Variants in JAM3 observed in about 807,000 individuals in gnomAD.
JAM3 encodes the protein junctional adhesion molecule 3.
Under a neutral mutation model 39.4 loss-of-function variants are expected in JAM3, and 31 were observed. The ratio of observed to expected loss-of-function variants is 0.79; its 90% CI spans 0.59 to 1.06. The LOEUF is 1.06. Among genes scored for constraint, JAM3 ranks in the 50% least tolerant of loss-of-function variants. The probability of loss-of-function intolerance (pLI) is 0.00; values close to 1 mark genes in which losing one functional copy is unlikely to be tolerated. For synonymous variants in JAM3, 182 were observed against 148.7 expected, an observed-to-expected ratio of 1.22 and a Z score of -1.63; for missense variants, 455 against 391.4, an observed-to-expected ratio of 1.16 and a Z score of -1.37.
At position 134,105,621 on chromosome 11, in the gene JAM3, ATCTCCT is replaced by A. The variant is rs558760467; in HGVS notation, c.77-34228_77-34223del. Among the ~76,000 whole-genome samples, 277 of 152,336 alleles carry A rather than the reference ATCTCCT, an allele frequency of 1.8e-3. 1 individual carries two copies. The highest frequency in any genetic ancestry group is 0.01 in the Middle Eastern group (3 of 294). ...GAAAACCCCATCATCTCAGCCCAAA[ATCTCCT>A]TAAGCTAATAAGCAACTTCAGCAAA... On this transcript the variant is annotated intron_variant, in intron 1 of 8. Transcript: ENST00000299106.
chr11:134,128,570 G>A (rs1241049509), intron 1 of JAM3, among the ~76,000 whole-genome samples: 1 of 152,142 alleles, frequency 6.6e-6, no homozygotes, highest in East Asian at 1.9e-4. Flanking sequence ...ATGATTGTGA[G>A]TTCTCATGAG....
intron 1 of JAM3, among the ~76,000 whole-genome samples, chr11:134,132,149 T>A (rs984997759): frequency 1.3e-5 from 2 of 152,080 alleles, no homozygotes; most frequent in Non-Finnish European, 2.9e-5. Flanking sequence ...TGATCAAACT[T>A]GACAAAGAGA....
chr11:134,130,738 A>ACCTC (rs1449037138), intron 1 of JAM3, among the ~76,000 whole-genome samples: 4 of 152,218 alleles, frequency 2.6e-5, no homozygotes, highest in Non-Finnish European at 5.9e-5. Flanking sequence ...GGCAACAGCT[A>ACCTC]TTCCGCAGCT....
chr11:134,148,759 CAT>C lies in JAM3; in HGVS notation c.843-3_843-2del, dbSNP rs1318762065. 1.1e-5 allele frequency: 17 copies of C among 1,614,018 alleles called. No homozygotes were observed. The Admixed American group carries it at 1.5e-4, about 14-fold the overall frequency. On this transcript the variant is annotated splice_polypyrimidine_tract_variant and splice_region_variant and intron_variant, in intron 7 of 8. Coordinates refer to ENST00000299106, the MANE Select transcript of JAM3 (RefSeq NM_032801.5). ...TGTTGCTAAACTGCTCTCTTCTCCT[CAT>C]AGTTACAAGAACCCAGGGAAACCAG...
At chr11:134,143,357 AT>A (rs1281226478) in intron 3 of JAM3, among the ~76,000 whole-genome samples, 1 of 152,042 alleles carries the variant, frequency 6.6e-6, no homozygotes, top group Non-Finnish European at 1.5e-5. Flanking sequence ...TTATTTGTGT[AT>A]TTTCTTTGGA....
chr11:134,124,183 T>C (rs1942592728), intron 1 of JAM3: 9 of 1,462,728 alleles, frequency 6.2e-6, no homozygotes, highest in Non-Finnish European at 8.6e-6. Context: ...TTATCATACG[T>C]AGCATCACAA....
chr11:134,145,535 C>T (rs1943056227), intron 5 of JAM3: 1 of 324,146 alleles, frequency 3.1e-6, no homozygotes, highest in Non-Finnish European at 5.9e-6. Context: ...GCAAACCACA[C>T]CAGGCTTTTA....
intron 1 of JAM3, among the ~76,000 whole-genome samples, chr11:134,112,599 C>T (rs958057686): frequency 6.6e-6 from 1 of 152,180 alleles, no homozygotes; most frequent in African/African-American, 2.4e-5. Context: ...CACCAAGTTC[C>T]TTACCAACAC....
At chr11:134,146,149 T>A (rs1943067140) in intron 6 of JAM3, 104 bp downstream of exon 6, 1 of 842,806 alleles carries the variant, frequency 1.2e-6, no homozygotes, top group Non-Finnish European at 2.0e-6. Context: ...CCGCCATGGG[T>A]TAGCTTTCTT....
chr11:134,139,873 T>C lies in JAM3; in HGVS notation c.99T>C (p.Asn33=). ...CAGGCTGCCTGATAGGGGCTGTAAA[T>C]CTCAAATCCAGCAATCGAACCCCAG... ...LFRGCLIGAV[N]LKSSNRTPVV... Residue 33 remains asparagine (N), a synonymous_variant, in exon 2 of 9, where the codon AAT becomes AAC. Coordinates refer to ENST00000299106, the MANE Select transcript of JAM3 (RefSeq NM_032801.5). 1 of 1,614,034 alleles carries C rather than the reference T, an allele frequency of 6.2e-7. No homozygotes were observed. Among genetic ancestry groups the C allele is most frequent in the South Asian group, 1.1e-5 (1 of 91,090 alleles).
chr11:134,148,809 T>C lies in JAM3; in HGVS notation c.888T>C (p.Thr296=). The C allele has an allele frequency of 6.2e-7, 1 of 1,614,132 alleles. No homozygotes were observed. The highest frequency in any genetic ancestry group is 8.5e-7 in the Non-Finnish European group (1 of 1,179,982). The stretch of plus-strand genomic sequence containing the variant: ...CAGATGGAGTTAACTACATCCGCAC[T>C]GACGAGGAGGTAATCATTTAGTAAA... ...GKPDGVNYIR[T]DEEGDFRHKS... is the part of the protein sequence containing the mutation. Residue 296 remains threonine (T), a synonymous_variant, in exon 8 of 9, where the codon ACT becomes ACC. Coordinates refer to ENST00000299106, the MANE Select transcript of JAM3 (RefSeq NM_032801.5).
chr11:134,071,267 T>A (rs1941481029), intron 1 of JAM3, among the ~76,000 whole-genome samples: 1 of 152,238 alleles, frequency 6.6e-6, no homozygotes. Flanking sequence ...TGTGCCCTTT[T>A]GTGGATGAGG....
intron 1 of JAM3, among the ~76,000 whole-genome samples, chr11:134,133,669 C>T (rs953957979): frequency 1.3e-5 from 2 of 152,142 alleles, no homozygotes; most frequent in South Asian, 4.1e-4. Context: ...TCTTTCCACC[C>T]AAGGGGAGTG....
chr11:134,148,475 C>G, intron 6 of JAM3, 72 bp from the exon 7 acceptor site: 1 of 1,607,702 alleles, frequency 6.2e-7, no homozygotes. Flanking sequence ...GAAGGAGGCA[C>G]AGCAGGGCCA....
chr11:134,124,461 C>G (rs192371991), intron 1 of JAM3: 23 of 482,722 alleles, frequency 4.8e-5, no homozygotes, highest in Non-Finnish European at 3.3e-5. Context: ...AGTGTTTTCT[C>G]TATTCAACTT....
intron 1 of JAM3, chr11:134,124,171 C>CT (rs1198636744): frequency 6.9e-7 from 1 of 1,458,578 alleles, no homozygotes; most frequent in African/African-American, 1.4e-5. Flanking sequence ...TCAACTGGAG[C>CT]TTTATCATAC....
chr11:134,147,220 GA>G (rs1943089771), intron 6 of JAM3, among the ~76,000 whole-genome samples: 1 of 151,956 alleles, frequency 6.6e-6, no homozygotes, highest in African/African-American at 2.4e-5. Context: ...CTGGGAGGCT[GA>G]GGCGGGTGGA....
At chr11:134,095,492 G>T (rs1444877900) in intron 1 of JAM3, among the ~76,000 whole-genome samples, 1 of 152,068 alleles carries the variant, frequency 6.6e-6, no homozygotes. Context: ...TTAACTGGTT[G>T]TGGTGGCACA....
At chr11:134,087,562 T>G (rs1941766238) in intron 1 of JAM3, among the ~76,000 whole-genome samples, 2 of 152,192 alleles carry the variant, frequency 1.3e-5, no homozygotes, top group African/African-American at 4.8e-5. Context: ...CCTAGCTATA[T>G]AAGGTACTTT....
Sources: gnomAD v4.1 joint callset for allele counts (sites outside exome capture counted in the v4.1 genomes callset) on GRCh38, gnomAD v4.1.1 for gene constraint, MANE v1.5 for transcripts, NCBI Gene and HGNC (gene_info 2026-07-23, HGNC 2026-07-21) for gene names.